Variants in PDXK observed in about 807,000 individuals in gnomAD.
PDXK encodes pyridoxal kinase, also known as epididymis secretory sperm binding protein Li 1a.
A neutral mutation model predicts 43.2 loss-of-function variants in PDXK; 15 were observed. The ratio of observed to expected loss-of-function variants is 0.35; its 90% CI spans 0.23 to 0.53. PDXK has a LOEUF of 0.53. Among genes scored for constraint, PDXK ranks in the 20% least tolerant of loss-of-function variants. The pLI, the probability that PDXK is intolerant of heterozygous loss-of-function variation, is 0.92. For synonymous variants in PDXK, 172 were observed against 165.4 expected (o/e 1.04, Z -0.31); for missense variants, 343 against 417.0 (o/e 0.82, Z 1.54).
At chr21:43,728,746 G>A (rs1343102833) in intron 1 of PDXK, 1 of 985,852 alleles carries the variant, frequency 1.0e-6, no homozygotes, top group Non-Finnish European at 1.2e-6. Context: ...AGGACTGCGG[G>A]CTGCGCCTGG....
chr21:43,750,452 A>G (rs1168114434), intron 6 of PDXK, 48 bp from the exon 7 acceptor site: 1 of 1,530,156 alleles, frequency 6.5e-7, no homozygotes, highest in South Asian at 1.2e-5. Flanking sequence ...CAACCCGGAG[A>G]GGAGAGGCTC....
Position 43,732,222 on chromosome 21 carries a change from G to A in PDXK, c.88-1847G>A, listed in dbSNP as rs1601791643. 1.4e-6 allele frequency: 2 copies of A among 1,443,198 alleles called. No homozygotes were observed. Among genetic ancestry groups the A allele is most frequent in the Non-Finnish European group, 9.1e-7 (1 of 1,103,540 alleles). The allele number at this position is 1,443,198 out of a possible 1,614,324, so 89.4% of individuals were successfully genotyped here. A position where few individuals can be genotyped will look rare whatever the true frequency, so the allele number is the denominator to read the frequency against. On this transcript the variant is annotated intron_variant, in intron 1 of 10. Coordinates refer to ENST00000291565, the MANE Select transcript of PDXK (RefSeq NM_003681.5). This position sits in a 1 kb window ranked among gnomAD's most constrained non-coding sequence, Gnocchi z 4.1. ...ACAGAGATGCCAATTCCAGAGGCAT[G>A]GTCCGGCACAGAGCGCTGGCTTCCA...
chr21:43,721,383 G>A lies in PDXK; in HGVS notation c.87+2002G>A, dbSNP rs180924120. 2.0e-4 allele frequency among the ~76,000 whole-genome samples: 30 copies of A among 152,386 alleles called. No homozygotes were observed. In the East Asian group the frequency reaches 5.0e-3, roughly 25 times the overall value. On this transcript the variant is annotated intron_variant, in intron 1 of 10. Coordinates refer to ENST00000291565, the MANE Select transcript of PDXK (RefSeq NM_003681.5). ...CAAAGCCTTGTTCACATAGCTGAAT[G>A]TGAGGAAAGAAAACTTAGAAACTGG...
intron 8 of PDXK, 95 bp downstream of exon 8, chr21:43,752,724 A>G: frequency 1.3e-6 from 1 of 756,066 alleles, no homozygotes; most frequent in East Asian, 2.6e-5. Context: ...CAATAGCATG[A>G]AATTTAAGCC....
At chr21:43,750,669 A>T in intron 7 of PDXK, 124 bp downstream of exon 7, 1 of 671,274 alleles carries the variant, frequency 1.5e-6, no homozygotes, top group Non-Finnish European at 2.6e-6. Flanking sequence ...AGTCTGTACC[A>T]GTCGGGGCCT....
At chr21:43,755,358 C>G (rs1468120913) in intron 9 of PDXK, 1 of 277,494 alleles carries the variant, frequency 3.6e-6, no homozygotes, top group Admixed American at 4.9e-5. Context: ...AGCACTTCCC[C>G]TTGTAGACTC....
At chr21:43,726,435 C>T (rs2083254742) in intron 1 of PDXK, among the ~76,000 whole-genome samples, 1 of 152,046 alleles carries the variant, frequency 6.6e-6, no homozygotes, top group African/African-American at 2.4e-5. Flanking sequence ...GCCACCACAC[C>T]AGGCAAATTT....
At position 43,732,544 on chromosome 21, in the gene PDXK, A is replaced by G. The variant is rs751380884; in HGVS notation, c.88-1525A>G. 2 of 1,086,914 alleles carry G rather than the reference A, an allele frequency of 1.8e-6. No homozygotes were observed. Among genetic ancestry groups the G allele is most frequent in the African/African-American group, 1.5e-5 (1 of 64,968 alleles). 67.3% of individuals were successfully genotyped at this position (1,086,914 alleles called of 1,614,324 possible). A position where few individuals can be genotyped will look rare whatever the true frequency, so the allele number is the denominator to read the frequency against. ...ATTCTCGGATACGTTTGCCAGCCCC[A>G]AAGGATTAATTATCTACACACCCAG... On this transcript the variant is annotated intron_variant, in intron 1 of 10. Coordinates refer to ENST00000291565, the MANE Select transcript of PDXK (RefSeq NM_003681.5). The surrounding 1 kb of genome is among the most constrained non-coding windows in gnomAD (Gnocchi z 4.1).
At chr21:43,724,505 G>C (rs1227641769) in intron 1 of PDXK, among the ~76,000 whole-genome samples, 1 of 152,080 alleles carries the variant, frequency 6.6e-6, no homozygotes, top group Non-Finnish European at 1.5e-5. Context: ...GGGGTTGCTT[G>C]AGGGCCCTCA....
At chr21:43,750,733 A>ATGTG (rs3042235) in intron 7 of PDXK, among the ~76,000 whole-genome samples, 188 bp downstream of exon 7, 325 of 150,378 alleles carry the variant, frequency 2.2e-3, no homozygotes, top group Middle Eastern at 0.014. Context: ...ATGTTTGTGC[A>ATGTG]TGTGTGTGTG....
Position 43,732,438 on chromosome 21 carries a change from A to G in PDXK, c.88-1631A>G. 1 of 1,612,662 alleles carries G rather than the reference A, an allele frequency of 6.2e-7. No individual in the cohort carries two copies. Among genetic ancestry groups the G allele is most frequent in the Non-Finnish European group, 8.5e-7 (1 of 1,179,766 alleles). ...GATGCTGATGAATAAGCTGATTTTG[A>G]TGGGGTGTGTGAAACGGAGATGCCA... On this transcript the variant is annotated intron_variant, in intron 1 of 10. Coordinates refer to ENST00000291565, the MANE Select transcript of PDXK (RefSeq NM_003681.5). The surrounding 1 kb of genome is among the most constrained non-coding windows in gnomAD (Gnocchi z 4.1).
At chr21:43,739,557 G>A (rs1368502469) in intron 2 of PDXK, among the ~76,000 whole-genome samples, 1 of 147,718 alleles carries the variant, frequency 6.8e-6, no homozygotes, top group East Asian at 1.9e-4. Context: ...CACATTGGCG[G>A]CAGGAAGGAG....
In PDXK at chr21:43,755,715, C is replaced by T. The variant is rs1437514177; in HGVS notation, c.777C>T (p.Thr259=). Residue 259 remains threonine, a synonymous_variant, in exon 10 of 11, where the codon ACC becomes ACT. Coordinates refer to ENST00000291565, the MANE Select transcript of PDXK (RefSeq NM_003681.5). ...PNNLKVACEK[T]VSTLHHVLQR... is the part of the protein sequence containing the mutation. ...CCCTGCAGGTGGCCTGTGAGAAGAC[C>T]GTGTCTACCTTGCACCACGTTCTGC... is the stretch of plus-strand genomic sequence containing the variant. The T allele has an allele frequency of 2.5e-6, 4 of 1,613,992 alleles. No individual in the cohort carries two copies. Among genetic ancestry groups the T allele is most frequent in the African/African-American group, 1.3e-5 (1 of 75,074 alleles).
In PDXK at chr21:43,755,366, C is replaced by A. The variant is rs187379691; in HGVS notation, c.760-332C>A. The A allele has an allele frequency of 9.0e-5, 26 of 289,890 alleles. No homozygotes were observed. The East Asian group carries it at 1.8e-3, about 20-fold the overall frequency. 18.0% of individuals were successfully genotyped at this position (289,890 alleles called of 1,614,324 possible). On this transcript the variant is annotated intron_variant, in intron 9 of 10. Transcript: ENST00000291565. ...CGGCAGGAGCACTTCCCCTTGTAGACTCGTTATAAGGAGTTAATTCTGGGA... is the reference window on the plus strand; with the variant it reads ...CGGCAGGAGCACTTCCCCTTGTAGAATCGTTATAAGGAGTTAATTCTGGGA...
At chr21:43,736,629 G>GTT (rs34234452) in intron 2 of PDXK, among the ~76,000 whole-genome samples, 93 of 118,608 alleles carry the variant, frequency 7.8e-4, no homozygotes, top group South Asian at 1.1e-3. Flanking sequence ...TCCTTTTTCT[G>GTT]TTTTTTTTTT....
chr21:43,741,578 C>G lies in PDXK; in HGVS notation c.143-89C>G, dbSNP rs761329800. On this transcript the variant is annotated intron_variant, in intron 2 of 10. Coordinates refer to ENST00000291565, the MANE Select transcript of PDXK (RefSeq NM_003681.5). ...GGGGAGGAGCCGTCCACCAGGCAGC[C>G]TCAGGGAGAGTGGGCGGGTGTCAAG... The G allele has an allele frequency of 3.8e-6, 6 of 1,568,524 alleles. No individual in the cohort carries two copies. The South Asian group carries it at 7.0e-5, about 18-fold the overall frequency.
chr21:43,719,420 G>A (rs1404964683), intron 1 of PDXK, 39 bp downstream of exon 1: 1 of 1,492,674 alleles, frequency 6.7e-7, no homozygotes, highest in South Asian at 1.2e-5. Context: ...CGTAACCCGA[G>A]CCCGTGACCT....
chr21:43,746,623 C>T lies in PDXK; in HGVS notation c.378+498C>T, dbSNP rs1178848015. On this transcript the variant is annotated intron_variant, in intron 5 of 10. Transcript: ENST00000291565. Reference sequence around the variant, plus strand: ...TTTACTAGATACGATTTCACTGTGTCGTCCAGGCTGGTCTCGAACTCCTAG... The same window carrying T: ...TTTACTAGATACGATTTCACTGTGTTGTCCAGGCTGGTCTCGAACTCCTAG... Among the ~76,000 whole-genome samples the T allele has an allele frequency of 4.6e-5, 7 of 152,222 alleles. No homozygotes were observed. The South Asian group carries it at 1.2e-3, about 27-fold the overall frequency.
chr21:43,753,886 G>A lies in PDXK; in HGVS notation c.759+167G>A, dbSNP rs560438962. 1.2e-4 allele frequency among the ~76,000 whole-genome samples: 19 copies of A among 152,344 alleles called. 1 individual carries two copies. In the South Asian group the frequency reaches 2.7e-3, roughly 22 times the overall value. On this transcript the variant is annotated intron_variant, in intron 9 of 10. Coordinates refer to ENST00000291565, the MANE Select transcript of PDXK (RefSeq NM_003681.5). ...GTGGCCAGGCCATGACAGGAGTTGCGCCTGTCACTCTCACATCGCCTCCCA... is the reference window on the plus strand; with the variant it reads ...GTGGCCAGGCCATGACAGGAGTTGCACCTGTCACTCTCACATCGCCTCCCA...
Sources: gnomAD v4.1 joint callset for allele counts (sites outside exome capture counted in the v4.1 genomes callset) on GRCh38, gnomAD v4.1.1 for gene constraint, Gnocchi (gnomAD v3.1) non-coding constraint, MANE v1.5 for transcripts, NCBI Gene and HGNC (gene_info 2026-07-23, HGNC 2026-07-21) for gene names.